WDHD1: variants seen among roughly 807,000 people sequenced by gnomAD.
WDHD1 encodes the protein WD repeat and HMG-box DNA-binding protein 1.
A neutral mutation model predicts 135.4 loss-of-function variants in WDHD1; 111 were observed. That is an observed-to-expected ratio of 0.82 (90% CI 0.70 to 0.96). The LOEUF (loss-of-function observed/expected upper bound fraction) is 0.96, where lower values mean the gene tolerates loss of function less well. WDHD1 is among the 40% of genes least tolerant of loss of function. The probability of loss-of-function intolerance (pLI) is 0.00; values close to 1 mark genes in which losing one functional copy is unlikely to be tolerated. For synonymous variants in WDHD1, 434 were observed against 439.0 expected (o/e 0.99, Z 0.14); for missense variants, 1,351 against 1,336.3 (o/e 1.01, Z -0.17).
chr14:54,955,729 T>C (rs1165950965), intron 23 of WDHD1, 35 bp from the exon 24 acceptor site: 2 of 1,426,456 alleles, frequency 1.4e-6, no homozygotes, highest in Non-Finnish European at 9.2e-7. Flanking sequence ...CAATAACATC[T>C]AGTATAATTT....
intron 2 of WDHD1, among the ~76,000 whole-genome samples, chr14:55,015,782 T>G (rs2140228980): frequency 6.6e-6 from 1 of 151,318 alleles, no homozygotes; most frequent in Middle Eastern, 3.4e-3. Flanking sequence ...CACTGCAACC[T>G]CTGCCTCCCG....
In WDHD1 at chr14:54,995,618, C is replaced by A; in HGVS notation, c.1138G>T (p.Asp380Tyr). The A allele has an allele frequency of 6.3e-7, 1 of 1,592,502 alleles. No homozygotes were observed. The highest frequency in any genetic ancestry group is 8.5e-7 in the Non-Finnish European group (1 of 1,171,034). ...AAATTCTTACCAACTGAGTTTTCAT[C>A]ATCTTCTAGGATGTGACTTCGCTGT... ...PRQRSHILED[D>Y]ENSVDISMLK... is the part of the protein sequence containing the mutation. The change falls in exon 11 of 26, where the codon GAT (aspartate) becomes TAT (tyrosine). Residue 380 changes from aspartate (D) to tyrosine (Y), a missense_variant. By Grantham distance (160) the Asp-to-Tyr change is radical. Around this residue, in one of 2 missense-constraint regions of WDHD1, gnomAD observed 1,330 missense variants for 1,296.1 expected, o/e 1.03. Transcript: ENST00000360586.
chr14:55,026,026 A>G (rs1302558698), intron 2 of WDHD1, among the ~76,000 whole-genome samples: 3 of 152,210 alleles, frequency 2.0e-5, no homozygotes, highest in African/African-American at 2.4e-5. Context: ...CTAAATACAC[A>G]TTTATTTTTG....
rs1310826709 is a variant in WDHD1, at chr14:55,010,471, A to C, written c.190-11T>G. 1.3e-6 allele frequency: 2 copies of C among 1,553,454 alleles called. No individual in the cohort carries two copies. The highest frequency in any genetic ancestry group is 1.7e-6 in the Non-Finnish European group (2 of 1,152,040). On this transcript the variant is annotated splice_polypyrimidine_tract_variant and intron_variant, in intron 3 of 25. Coordinates refer to ENST00000360586, the MANE Select transcript of WDHD1 (RefSeq NM_007086.4). ...GACCAGTTTTCCACTCTAAAAGAAA[A>C]ATTAAGGTAAGAAACATTAGCAAAA...
intron 16 of WDHD1, among the ~76,000 whole-genome samples, chr14:54,975,933 G>A (rs552395591): frequency 9.2e-5 from 14 of 152,244 alleles, no homozygotes; most frequent in African/African-American, 3.4e-4. Flanking sequence ...GTTAGAAAAT[G>A]CATTTAAAGT....
chr14:54,984,682 C>T, intron 15 of WDHD1, 41 bp downstream of exon 15: 1 of 1,532,816 alleles, frequency 6.5e-7, no homozygotes, highest in Admixed American at 2.2e-5. Context: ...ATATCTAACA[C>T]TTTATATTAT....
Position 55,002,193 on chromosome 14 carries a change from A to G in WDHD1, c.601-8T>C. The G allele has an allele frequency of 6.4e-7, 1 of 1,566,268 alleles. No homozygotes were observed. Among genetic ancestry groups the G allele is most frequent in the African/African-American group, 1.4e-5 (1 of 72,790 alleles). ...CACAGGAATTGCCAGTAACTATTAG[A>G]AAAGATAAACAACGTAAACAAAAGT... is the stretch of plus-strand genomic sequence containing the variant. On this transcript the variant is annotated splice_region_variant and splice_polypyrimidine_tract_variant and intron_variant, in intron 7 of 25. Coordinates refer to ENST00000360586, the MANE Select transcript of WDHD1 (RefSeq NM_007086.4).
chr14:55,000,039 C>T (rs888601974), intron 10 of WDHD1, among the ~76,000 whole-genome samples: 1 of 152,112 alleles, frequency 6.6e-6, no homozygotes, highest in Admixed American at 6.6e-5. Context: ...CAATCTGTAA[C>T]CAGAAGTCTA....
At chr14:54,957,341 C>T in intron 22 of WDHD1, 137 bp from the exon 23 acceptor site, 1 of 1,002,856 alleles carries the variant, frequency 1.0e-6, no homozygotes, top group Non-Finnish European at 1.4e-6. Flanking sequence ...TGGTACAATC[C>T]AAATTAAGAA....
At chr14:54,984,391 A>C (rs1463028601) in intron 15 of WDHD1, among the ~76,000 whole-genome samples, 9 of 152,212 alleles carry the variant, frequency 5.9e-5, no homozygotes, top group Non-Finnish European at 1.5e-5. Flanking sequence ...GCTACTAAGG[A>C]GGCTGAGGTA....
At chr14:55,023,818 A>G (rs1311562440) in intron 2 of WDHD1, among the ~76,000 whole-genome samples, 2 of 152,236 alleles carry the variant, frequency 1.3e-5, no homozygotes, top group African/African-American at 4.8e-5. Flanking sequence ...AGTATATACT[A>G]CAGTTAATTT....
intron 16 of WDHD1, among the ~76,000 whole-genome samples, chr14:54,976,809 T>C (rs1180994534): frequency 6.6e-6 from 1 of 152,078 alleles, no homozygotes; most frequent in Non-Finnish European, 1.5e-5. Flanking sequence ...ATATTCTTAT[T>C]CAAGTTTATT....
At chr14:54,948,551 C>T (rs2140150413) in intron 24 of WDHD1, among the ~76,000 whole-genome samples, 1 of 152,328 alleles carries the variant, frequency 6.6e-6, no homozygotes, top group East Asian at 1.9e-4. Flanking sequence ...TCCTGCCTGC[C>T]TCTGTGGACT....
intron 24 of WDHD1, 146 bp from the exon 25 acceptor site, chr14:54,944,616 C>CTTT (rs780376690): frequency 9.0e-4 from 243 of 269,258 alleles, no homozygotes; most frequent in South Asian, 2.1e-3. Flanking sequence ...ATTCATGTTA[C>CTTT]TTTTTTTTTT....
intron 24 of WDHD1, among the ~76,000 whole-genome samples, chr14:54,950,402 A>G (rs2041024040): frequency 6.6e-6 from 1 of 152,172 alleles, no homozygotes; most frequent in African/African-American, 2.4e-5. Flanking sequence ...AAAGAAGGCC[A>G]TTACATAATG....
intron 7 of WDHD1, chr14:55,005,595 A>C (rs1414753466): frequency 5.0e-6 from 3 of 599,996 alleles, no homozygotes; most frequent in Non-Finnish European, 9.5e-6. Context: ...CCCATCTGGA[A>C]GACAAAGCTG....
chr14:54,962,637 G>GA (rs2041270294), intron 20 of WDHD1, 86 bp from the exon 21 acceptor site: 4 of 1,531,830 alleles, frequency 2.6e-6, no homozygotes, highest in Non-Finnish European at 3.6e-6. Flanking sequence ...AAAGAGGTCT[G>GA]AAAAAAAGTA....
In WDHD1 at chr14:55,018,803, C is replaced by A. The variant is rs557882636; in HGVS notation, c.78-5207G>T. Among the ~76,000 whole-genome samples the A allele has an allele frequency of 3.9e-4, 59 of 152,236 alleles. 1 individual carries two copies. In the South Asian group the frequency reaches 0.011, roughly 29 times the overall value. ...AGGCATGGTGGCTCACGCCTGTAAT[C>A]CCAGCACTTTGGGAGGCGAGACCAG... On this transcript the variant is annotated intron_variant, in intron 2 of 25. Coordinates refer to ENST00000360586, the MANE Select transcript of WDHD1 (RefSeq NM_007086.4).
intron 24 of WDHD1, among the ~76,000 whole-genome samples, chr14:54,954,225 G>A (rs1190105020): frequency 6.6e-6 from 1 of 152,118 alleles, no homozygotes; most frequent in East Asian, 1.9e-4. Context: ...GGCGGAGGTT[G>A]CAGTGAGCCA....
Sources: allele counts gnomAD v4.1 joint callset (sites outside exome capture counted in the v4.1 genomes callset), GRCh38; gene constraint gnomAD v4.1.1; regional missense constraint gnomAD v4.1.1; transcripts MANE v1.5; gene names NCBI Gene and HGNC (gene_info 2026-07-23, HGNC 2026-07-21).